PRKG1: variants seen among roughly 807,000 people sequenced by gnomAD.
PRKG1 encodes the protein cGMP-dependent protein kinase 1.
A neutral mutation model predicts 88.1 loss-of-function variants in PRKG1; 35 were observed. That is an observed-to-expected ratio of 0.40 (90% CI 0.30 to 0.53). The LOEUF is 0.53. Ranked by LOEUF, PRKG1 falls within the 20% of genes least tolerant of loss-of-function variation. PRKG1 has a pLI of 0.59. For synonymous variants in PRKG1, 303 were observed against 292.5 expected, an observed-to-expected ratio of 1.04 and a Z score of -0.37; for missense variants, 540 against 839.8, an observed-to-expected ratio of 0.64 and a Z score of 4.41.
At chr10:51,593,705 G>T (rs1414755620) in intron 3 of PRKG1, among the ~76,000 whole-genome samples, 1 of 151,538 alleles carries the variant, frequency 6.6e-6, no homozygotes, top group Admixed American at 6.6e-5. Flanking sequence ...TACTAGAAAA[G>T]TATGGCACCA....
chr10:51,619,185 T>A (rs1839144396), intron 3 of PRKG1, among the ~76,000 whole-genome samples: 2 of 152,108 alleles, frequency 1.3e-5, no homozygotes, highest in Non-Finnish European at 2.9e-5. Context: ...GGGATTGGTT[T>A]GCTAAATAAT....
chr10:51,721,872 A>G (rs1357591138), intron 3 of PRKG1, among the ~76,000 whole-genome samples: 1 of 152,182 alleles, frequency 6.6e-6, no homozygotes, highest in African/African-American at 2.4e-5. Flanking sequence ...TAATAATTCC[A>G]TTTAGCTATA....
At chr10:51,029,061 G>A (rs1033543028) in intron 1 of PRKG1, among the ~76,000 whole-genome samples, 1 of 152,012 alleles carries the variant, frequency 6.6e-6, no homozygotes, top group Non-Finnish European at 1.5e-5. Context: ...ACCAAATAAA[G>A]CCATTTTGTT....
At chr10:51,042,012 T>C (rs1043544763) in intron 1 of PRKG1, among the ~76,000 whole-genome samples, 1 of 152,136 alleles carries the variant, frequency 6.6e-6, no homozygotes, top group East Asian at 1.9e-4. Context: ...GCTTAGACCA[T>C]GTCCTCTGAG....
intron 2 of PRKG1, among the ~76,000 whole-genome samples, chr10:51,332,871 T>TC (rs1389348131): frequency 6.6e-6 from 1 of 152,174 alleles, no homozygotes; most frequent in African/African-American, 2.4e-5. Context: ...CTCTCTGATT[T>TC]CCCCATCACT....
At chr10:51,717,075 A>C (rs1177955319) in intron 3 of PRKG1, among the ~76,000 whole-genome samples, 2 of 152,216 alleles carry the variant, frequency 1.3e-5, no homozygotes, top group African/African-American at 4.8e-5. Context: ...ATGTGAACAC[A>C]CTGGTGGGCA....
At chr10:51,696,340 T>C (rs778030720) in intron 3 of PRKG1, 9 of 151,962 alleles carry the variant, frequency 5.9e-5, no homozygotes, top group Non-Finnish European at 1.3e-4. Flanking sequence ...ACTGAGAGTT[T>C]TACTTAGTGA....
At chr10:52,022,638 T>A in intron 5 of PRKG1, among the ~76,000 whole-genome samples, 1 of 152,198 alleles carries the variant, frequency 6.6e-6, no homozygotes, top group Non-Finnish European at 1.5e-5. Flanking sequence ...TACTCTAAGT[T>A]GTACAATAGT....
intron 4 of PRKG1, among the ~76,000 whole-genome samples, chr10:51,903,514 T>C (rs36044537): frequency 0.061 from 9,283 of 152,198 alleles, 350 homozygotes; most frequent in Admixed American, 0.12. Flanking sequence ...CGTTAATCTA[T>C]GCACACACAC....
At chr10:51,666,408 T>G (rs558430263) in intron 3 of PRKG1, among the ~76,000 whole-genome samples, 3 of 152,346 alleles carry the variant, frequency 2.0e-5, no homozygotes, top group South Asian at 4.1e-4. Flanking sequence ...GATTCCTTTG[T>G]AAGATTCTCT....
At chr10:51,538,627 T>G (rs999478945) in intron 3 of PRKG1, among the ~76,000 whole-genome samples, 7 of 150,448 alleles carry the variant, frequency 4.7e-5, no homozygotes, top group Non-Finnish European at 8.9e-5. Context: ...TGTGGCATAA[T>G]GTTAACCCTA....
intron 2 of PRKG1, among the ~76,000 whole-genome samples, chr10:51,165,855 T>G (rs894950419): frequency 3.9e-5 from 6 of 152,212 alleles, no homozygotes; most frequent in Admixed American, 1.3e-4. Flanking sequence ...TTGAGCAGGC[T>G]TCTTTAAAAG....
intron 4 of PRKG1, among the ~76,000 whole-genome samples, chr10:51,904,143 G>A (rs1369869649): frequency 2.6e-5 from 4 of 151,946 alleles, no homozygotes; most frequent in East Asian, 1.9e-4. Context: ...CTGTAACTTC[G>A]GGCCTATTGC....
intron 3 of PRKG1, among the ~76,000 whole-genome samples, chr10:51,763,802 T>C (rs967660367): frequency 1.3e-5 from 2 of 151,880 alleles, no homozygotes; most frequent in African/African-American, 4.9e-5. Flanking sequence ...GTCAAGGGGC[T>C]GTACTTAGTG....
At chr10:51,698,201 G>A (rs1261263514) in intron 3 of PRKG1, 6 of 1,613,936 alleles carry the variant, frequency 3.7e-6, no homozygotes, top group Non-Finnish European at 5.1e-6. Context: ...CATGCCCCTT[G>A]CTTCCATCCC....
At chr10:51,559,269 T>C (rs1837396538) in intron 3 of PRKG1, among the ~76,000 whole-genome samples, 1 of 152,046 alleles carries the variant, frequency 6.6e-6, no homozygotes, top group Non-Finnish European at 1.5e-5. Context: ...TACATTGCTA[T>C]AACACAAGAA....
intron 5 of PRKG1, among the ~76,000 whole-genome samples, chr10:51,996,780 T>C (rs1844454250): frequency 6.6e-6 from 1 of 152,170 alleles, no homozygotes; most frequent in Non-Finnish European, 1.5e-5. Context: ...ATCTTAGTAC[T>C]GAGTATATAT....
chr10:51,417,161 A>G (rs971910904), intron 2 of PRKG1, among the ~76,000 whole-genome samples: 1 of 152,198 alleles, frequency 6.6e-6, no homozygotes, highest in Non-Finnish European at 1.5e-5. Flanking sequence ...ACAAGAAACC[A>G]ATATCAACTG....
At chr10:52,249,701 T>C (rs1025780982) in intron 9 of PRKG1, among the ~76,000 whole-genome samples, 6 of 152,114 alleles carry the variant, frequency 3.9e-5, no homozygotes, top group African/African-American at 1.2e-4. Flanking sequence ...CGCACACGTG[T>C]AATCCCAGCT....
Sources: gnomAD v4.1 joint callset for allele counts (sites outside exome capture counted in the v4.1 genomes callset) on GRCh38, gnomAD v4.1.1 for gene constraint, MANE v1.5 for transcripts, NCBI Gene and HGNC (gene_info 2026-07-23, HGNC 2026-07-21) for gene names.